Variants in IFT56 observed in about 807,000 individuals in gnomAD.
IFT56 encodes intraflagellar transport protein 56.
chr7:139,154,642 A>G, the IFT56 span, among the ~76,000 whole-genome samples: 2 of 152,186 alleles, frequency 1.3e-5, no homozygotes, highest in Non-Finnish European at 2.9e-5. Context: ...AAATCAGTTT[A>G]TCATAGACAA....
the IFT56 span, among the ~76,000 whole-genome samples, chr7:139,141,239 C>T: frequency 6.3e-5 from 9 of 142,482 alleles, no homozygotes; most frequent in Non-Finnish European, 1.0e-4. Context: ...CCAACCTGGG[C>T]GACAGAACAA....
chr7:139,183,998 C>T, the IFT56 span, among the ~76,000 whole-genome samples: 5 of 152,180 alleles, frequency 3.3e-5, no homozygotes, highest in African/African-American at 9.7e-5. Flanking sequence ...CTGCTGACAG[C>T]TTTTAAGCCT....
At chr7:139,137,883 A>G in the IFT56 span, 1 of 1,613,576 alleles carries the variant, frequency 6.2e-7, no homozygotes, top group South Asian at 1.1e-5. Flanking sequence ...AGAGGATACT[A>G]ATTTGTGGAT....
chr7:139,171,856 ACT>A, the IFT56 span, among the ~76,000 whole-genome samples: 5 of 152,200 alleles, frequency 3.3e-5, no homozygotes, highest in African/African-American at 1.2e-4. Flanking sequence ...GATCACCAAA[ACT>A]AACATTTTAC....
At chr7:139,157,139 C>CTTTTTTTTTTTTTTTTTTTTTTTTTTTT in the IFT56 span, among the ~76,000 whole-genome samples, 1 of 82,090 alleles carries the variant, frequency 1.2e-5, no homozygotes, top group Non-Finnish European at 2.5e-5. Flanking sequence ...TCTTTAATTT[C>CTTTTTTTTTTTTTTTTTTTTTTTTTTTT]TTTTTTTTTT....
the IFT56 span, among the ~76,000 whole-genome samples, chr7:139,145,206 C>T: frequency 6.6e-6 from 1 of 151,828 alleles, no homozygotes; most frequent in Non-Finnish European, 1.5e-5. Context: ...CTTGGTGGGC[C>T]CCAATCTCTA....
chr7:139,187,575 T>C, the IFT56 span: 1 of 1,606,606 alleles, frequency 6.2e-7, no homozygotes, highest in Non-Finnish European at 8.5e-7. Flanking sequence ...CCTCTACTCA[T>C]TTGCTTGTTT....
At chr7:139,164,032 T>G in the IFT56 span, among the ~76,000 whole-genome samples, 1 of 152,334 alleles carries the variant, frequency 6.6e-6, no homozygotes, top group Middle Eastern at 3.4e-3. Flanking sequence ...TGTTTGTTTG[T>G]TTTGATTTCT....
chr7:139,179,355 C>T, the IFT56 span, among the ~76,000 whole-genome samples: 1 of 152,182 alleles, frequency 6.6e-6, no homozygotes, highest in Non-Finnish European at 1.5e-5. Context: ...CTGTTTAAAT[C>T]TTCTATATCC....
chr7:139,134,552 G>C, the IFT56 span: 1 of 1,315,074 alleles, frequency 7.6e-7, no homozygotes, highest in Non-Finnish European at 1.0e-6. Context: ...ACAGGCATGA[G>C]CCACTGTGCC....
chr7:139,170,313 A>G, the IFT56 span, among the ~76,000 whole-genome samples: 1 of 152,184 alleles, frequency 6.6e-6, no homozygotes, highest in Non-Finnish European at 1.5e-5. Flanking sequence ...TCCTACTCAA[A>G]CTATTCCAAA....
the IFT56 span, chr7:139,173,026 G>A: frequency 1.4e-6 from 1 of 729,290 alleles, no homozygotes; most frequent in South Asian, 1.4e-5. Context: ...GTGGCTCAGG[G>A]ACCACCTCAG....
chr7:139,188,526 A>G, the IFT56 span, among the ~76,000 whole-genome samples: 1 of 152,256 alleles, frequency 6.6e-6, no homozygotes, highest in African/African-American at 2.4e-5. Flanking sequence ...AAAATAATCT[A>G]TCAAAAATTA....
At chr7:139,188,105 CTTT>C in the IFT56 span, among the ~76,000 whole-genome samples, 1 of 126,622 alleles carries the variant, frequency 7.9e-6, no homozygotes, top group Non-Finnish European at 1.8e-5. Flanking sequence ...TTCTTTCTTT[CTTT>C]TTTTTTTTTT....
At chr7:139,169,588 A>T in the IFT56 span, among the ~76,000 whole-genome samples, 1 of 152,242 alleles carries the variant, frequency 6.6e-6, no homozygotes, top group Non-Finnish European at 1.5e-5. Context: ...TAAAACTTTG[A>T]ATCAGTTTTA....
chr7:139,173,080 G>C, the IFT56 span: 1 of 731,546 alleles, frequency 1.4e-6, no homozygotes, highest in Non-Finnish European at 2.5e-6. Flanking sequence ...TTTGTGGGTG[G>C]CTGGTTCACT....
At chr7:139,189,530 T>C in the IFT56 span, 2 of 850,106 alleles carry the variant, frequency 2.4e-6, no homozygotes, top group East Asian at 5.1e-5. Context: ...TCTGTTTTAT[T>C]GACATTTTCC....
chr7:139,144,632 G>A, the IFT56 span, among the ~76,000 whole-genome samples: 1 of 151,868 alleles, frequency 6.6e-6, no homozygotes, highest in Non-Finnish European at 1.5e-5. Flanking sequence ...CCTTTTGTTT[G>A]TATCGCATGT....
chr7:139,165,328 A>G, the IFT56 span: 3 of 783,402 alleles, frequency 3.8e-6, no homozygotes, highest in Admixed American at 2.9e-5. Flanking sequence ...TTTTAAATCC[A>G]TACTTCCAAA....
Sources: gnomAD v4.1 joint callset for allele counts (sites outside exome capture counted in the v4.1 genomes callset) on GRCh38, gnomAD v4.1.1 for gene constraint, MANE v1.5 for transcripts, NCBI Gene and HGNC (gene_info 2026-07-23, HGNC 2026-07-21) for gene names.